Variants in TENM1 observed in about 807,000 individuals in gnomAD.
TENM1 encodes the protein teneurin-1.
In TENM1, 35 loss-of-function variants were observed where a neutral mutation model predicts 174.8. That is an observed-to-expected ratio of 0.20 (90% CI 0.15 to 0.27). TENM1 has a LOEUF of 0.27. Ranked by LOEUF, TENM1 falls within the 10% of genes least tolerant of loss-of-function variation. The pLI is 1.00. For missense variants in TENM1, 1,633 were observed against 2,130.1 expected, an observed-to-expected ratio of 0.77 and a Z score of 4.59; for synonymous variants, 781 against 798.7, an observed-to-expected ratio of 0.98 and a Z score of 0.37.
At chrX:125,113,540 A>G in the TENM1 span, among the ~76,000 whole-genome samples, 1 of 111,659 alleles carries the variant, frequency 9.0e-6, no homozygotes, top group Non-Finnish European at 1.9e-5. Context: ...AAAGACACAC[A>G]TAGGCTCAAA....
At chrX:124,589,064 G>C (rs2049647721) in intron 11 of TENM1, among the ~76,000 whole-genome samples, 1 of 100,345 alleles carries the variant, frequency 1.0e-5, no homozygotes, top group Non-Finnish European at 2.0e-5. Flanking sequence ...TTATTCTGAT[G>C]TATGTTCCTT....
intron 11 of TENM1, among the ~76,000 whole-genome samples, chrX:124,631,064 T>A (rs2050744264): frequency 8.9e-6 from 1 of 111,876 alleles, no homozygotes; most frequent in Non-Finnish European, 1.9e-5. Context: ...AGCTCACAAT[T>A]TAAGAAAGCC....
chrX:125,012,927 A>C, the TENM1 span, among the ~76,000 whole-genome samples: 3 of 112,037 alleles, frequency 2.7e-5, no homozygotes, highest in Non-Finnish European at 5.6e-5. Context: ...CAAGGTTGTC[A>C]ACTATCTGAT....
At chrX:124,487,363 G>T in intron 20 of TENM1, 134 bp from the exon 24 acceptor site, 2 of 549,271 alleles carry the variant, frequency 3.6e-6, no homozygotes, top group African/African-American at 2.3e-5. Flanking sequence ...ACTCTATGGG[G>T]ATCATTTAGT....
intron 3 of TENM1, among the ~76,000 whole-genome samples, chrX:124,767,703 A>G: frequency 9.0e-6 from 1 of 111,302 alleles, no homozygotes; most frequent in Non-Finnish European, 1.9e-5. Context: ...TGGTCTGTTC[A>G]AGCCAACACT....
At chrX:124,864,122 GT>G (rs1035115828) in intron 3 of TENM1, among the ~76,000 whole-genome samples, 2 of 112,037 alleles carry the variant, frequency 1.8e-5, no homozygotes, top group African/African-American at 6.5e-5. Flanking sequence ...TCCCAAGAAG[GT>G]TGGCTACAAA....
At chrX:124,990,021 T>G in the TENM1 span, among the ~76,000 whole-genome samples, 1 of 111,739 alleles carries the variant, frequency 8.9e-6, no homozygotes, top group African/African-American at 3.2e-5. Flanking sequence ...AAGCTGACTA[T>G]GTGCGTATGT....
At chrX:124,521,713 C>T (rs761761188) in intron 17 of TENM1, among the ~76,000 whole-genome samples, 21 of 112,178 alleles carry the variant, frequency 1.9e-4, no homozygotes, top group Admixed American at 1.4e-3. Flanking sequence ...ACATGAATAG[C>T]GTAGATATTT....
intron 3 of TENM1, among the ~76,000 whole-genome samples, chrX:124,787,568 G>T (rs2055070308): frequency 9.0e-6 from 1 of 111,642 alleles, no homozygotes; most frequent in South Asian, 3.7e-4. Context: ...TTCTCAACAG[G>T]TTATCTCTTG....
intron 3 of TENM1, among the ~76,000 whole-genome samples, chrX:124,762,504 C>A (rs985647154): frequency 9.0e-6 from 1 of 111,620 alleles, no homozygotes; most frequent in African/African-American, 3.3e-5. Context: ...AGCTAACATG[C>A]CTTTAAAATT....
chrX:125,001,852 TACACACACAC>T, the TENM1 span, among the ~76,000 whole-genome samples: 11 of 84,924 alleles, frequency 1.3e-4, no homozygotes, highest in South Asian at 5.9e-4. Flanking sequence ...TATAGATAGA[TACACACACAC>T]ACACACACAC....
chrX:124,697,839 C>G (rs1232520908), intron 5 of TENM1, among the ~76,000 whole-genome samples: 1 of 111,335 alleles, frequency 9.0e-6, no homozygotes, highest in South Asian at 3.7e-4. Context: ...CAGGCGGACT[C>G]TCATAGCTAC....
chrX:124,529,816 G>A (rs753785649), intron 16 of TENM1, 48 bp downstream of exon 19: 1 of 1,208,569 alleles, frequency 8.3e-7, no homozygotes, highest in Non-Finnish European at 1.1e-6. Context: ...CCCCTGGCTA[G>A]AAGTCAGTAA....
At chrX:125,079,434 A>G in the TENM1 span, among the ~76,000 whole-genome samples, 6 of 112,229 alleles carry the variant, frequency 5.3e-5, no homozygotes, top group Non-Finnish European at 1.1e-4. Context: ...TACTGGTCAT[A>G]CTGGAAGAAT....
At chrX:124,872,143 T>C (rs2057122699) in intron 3 of TENM1, among the ~76,000 whole-genome samples, 1 of 109,551 alleles carries the variant, frequency 9.1e-6, no homozygotes, top group Admixed American at 9.7e-5. Context: ...GTAAGCCAGG[T>C]GAAAACAGTG....
the TENM1 span, among the ~76,000 whole-genome samples, chrX:125,033,848 A>G: frequency 9.0e-6 from 1 of 111,554 alleles, no homozygotes; most frequent in South Asian, 3.7e-4. Flanking sequence ...ATTCATCTGT[A>G]CCTCTTTTTG....
chrX:124,822,751 G>A (rs971331563), intron 3 of TENM1, among the ~76,000 whole-genome samples: 5 of 111,938 alleles, frequency 4.5e-5, no homozygotes, highest in Non-Finnish European at 9.4e-5. Flanking sequence ...GAAGGACTGG[G>A]ACATTTGAGC....
chrX:124,839,696 A>C (rs2056460010), intron 3 of TENM1, among the ~76,000 whole-genome samples: 1 of 112,091 alleles, frequency 8.9e-6, no homozygotes, highest in Non-Finnish European at 1.9e-5. Flanking sequence ...GAAATTAACG[A>C]AGCATTATCT....
chrX:124,727,489 T>G (rs1359929587), intron 4 of TENM1, among the ~76,000 whole-genome samples: 5 of 111,632 alleles, frequency 4.5e-5, no homozygotes, highest in Non-Finnish European at 1.9e-5. Flanking sequence ...CAAAAATGGC[T>G]GCAATTCCAC....
Sources: allele counts gnomAD v4.1 joint callset (sites outside exome capture counted in the v4.1 genomes callset), GRCh38; gene constraint gnomAD v4.1.1; transcripts MANE v1.5; gene names NCBI Gene and HGNC (gene_info 2026-07-23, HGNC 2026-07-21).